The following ZFR2 variants were observed in gnomAD, a reference collection of about 807,000 sequenced individuals.
The protein encoded by ZFR2 is zinc finger RNA binding protein 2, also known as zinc finger RNA-binding protein 2.
ZFR2 carries 104 observed loss-of-function variants against 105.7 expected under a neutral mutation model. That is an observed-to-expected ratio of 0.98 (90% CI 0.84 to 1.16). The LOEUF (loss-of-function observed/expected upper bound fraction) is 1.16, where lower values mean the gene tolerates loss of function less well. Ranked by LOEUF, ZFR2 falls within the 50% of genes most tolerant of loss-of-function variation. The pLI, the probability that ZFR2 is intolerant of heterozygous loss-of-function variation, is 0.00. For missense variants in ZFR2, 1,425 were observed against 1,355.5 expected, an observed-to-expected ratio of 1.05 and a Z score of -0.80; for synonymous variants, 634 against 597.7, an observed-to-expected ratio of 1.06 and a Z score of -0.89.
At chr19:3,820,041 T>G in intron 11 of ZFR2, 141 bp downstream of exon 11, 1 of 774,386 alleles carries the variant, frequency 1.3e-6, no homozygotes, top group Non-Finnish European at 2.1e-6. Flanking sequence ...ATCTGTGGAG[T>G]GAGGAGGCCT....
At chr19:3,810,531 T>C (rs1356247743) in intron 16 of ZFR2, among the ~76,000 whole-genome samples, 1 of 152,158 alleles carries the variant, frequency 6.6e-6, no homozygotes, top group Non-Finnish European at 1.5e-5. Context: ...CATTTGCATG[T>C]GAGGTTCTGG....
intron 14 of ZFR2, 89 bp from the exon 15 acceptor site, chr19:3,811,455 C>A: frequency 8.2e-7 from 1 of 1,219,582 alleles, no homozygotes; most frequent in South Asian, 1.4e-5. Context: ...TTGGGCCCCT[C>A]GACGCTTTTT....
intron 3 of ZFR2, among the ~76,000 whole-genome samples, chr19:3,833,108 G>A (rs972374190): frequency 3.3e-5 from 5 of 151,810 alleles, no homozygotes; most frequent in Middle Eastern, 3.2e-3. Context: ...AATTAGCCAG[G>A]CATGGTGGCG....
At chr19:3,816,876 T>C in intron 12 of ZFR2, 31 bp from the exon 13 acceptor site, 8 of 1,527,796 alleles carry the variant, frequency 5.2e-6, no homozygotes, top group Non-Finnish European at 7.1e-6. Flanking sequence ...ACGTGCGCCA[T>C]CAGCGGAGAG....
chr19:3,860,225 G>C (rs533606042), intron 1 of ZFR2, among the ~76,000 whole-genome samples: 6 of 149,964 alleles, frequency 4.0e-5, no homozygotes, highest in African/African-American at 1.5e-4. Context: ...TTCAGAGATG[G>C]GGGGGGTCTC....
At chr19:3,831,129 GCACA>G (rs571036079) in intron 5 of ZFR2, among the ~76,000 whole-genome samples, 170 bp downstream of exon 5, 217 of 151,380 alleles carry the variant, frequency 1.4e-3, no homozygotes, top group African/African-American at 4.9e-3. Context: ...ACTCACACTT[GCACA>G]CACACACAAG....
chr19:3,833,698 A>T lies in ZFR2; in HGVS notation c.345T>A (p.Ser115=). ...CGGAGTCTGCGGCTGTCATGCGCCC[A>T]GACTGGAGGGCAGCAGACTGGAAGT... ...RPYFQSAALQ[S]GRMTAADSGQ... Residue 115 remains serine (S), a synonymous_variant, in exon 3 of 19, where the codon TCT becomes TCA. Coordinates refer to ENST00000262961, the MANE Select transcript of ZFR2 (RefSeq NM_015174.2). 6.4e-7 allele frequency: 1 copy of T among 1,574,580 alleles called. No individual in the cohort carries two copies. Among genetic ancestry groups the T allele is most frequent in the Non-Finnish European group, 8.6e-7 (1 of 1,160,038 alleles).
At chr19:3,855,544 G>T in intron 1 of ZFR2, 1 of 940,070 alleles carries the variant, frequency 1.1e-6, no homozygotes, top group Non-Finnish European at 1.4e-6. Context: ...CCAAAGTCCC[G>T]TCCTCCAGGA....
chr19:3,848,719 C>T (rs932263253), intron 1 of ZFR2, among the ~76,000 whole-genome samples: 22 of 149,240 alleles, frequency 1.5e-4, no homozygotes, highest in South Asian at 2.1e-4. Context: ...AGGCTGGGCG[C>T]GGTGGCTCAC....
In ZFR2 at chr19:3,833,712, C is replaced by T. The variant is rs2038045269; in HGVS notation, c.331G>A (p.Ala111Thr). The T allele has an allele frequency of 1.3e-6, 2 of 1,579,220 alleles. No individual in the cohort carries two copies. Among genetic ancestry groups the T allele is most frequent in the South Asian group, 2.3e-5 (2 of 86,210 alleles). The change falls in exon 3 of 19, where the codon GCT becomes ACT. Residue 111 changes from alanine to threonine, a missense_variant. Coordinates refer to ENST00000262961, the MANE Select transcript of ZFR2 (RefSeq NM_015174.2). ...SYEDRPYFQSAALQSGRMTAA... is the reference protein window; with the variant it reads ...SYEDRPYFQSTALQSGRMTAA... ...GTCATGCGCCCAGACTGGAGGGCAG[C>T]AGACTGGAAGTACGGCCTGTCCTCA...
In ZFR2 at chr19:3,825,246, C is replaced by T. The variant is rs773499703; in HGVS notation, c.1197G>A (p.Ser399=). Residue 399 remains serine, a synonymous_variant, in exon 7 of 19, where the codon TCG becomes TCA. Transcript: ENST00000262961. ...CACACGTACCCTCGCATAAGGCCTT[C>T]GAGGCCACGGGTCTCTTGGCCAGCG... ...RPALAKRPVA[S]KALCEGPPEP... 36 of 1,547,094 alleles carry T rather than the reference C, an allele frequency of 2.3e-5. No individual in the cohort carries two copies. Among genetic ancestry groups the T allele is most frequent in the Middle Eastern group, 1.7e-4 (1 of 5,722 alleles).
chr19:3,809,523 C>T (rs2037738602), intron 16 of ZFR2, among the ~76,000 whole-genome samples: 1 of 152,340 alleles, frequency 6.6e-6, no homozygotes, highest in South Asian at 2.1e-4. Context: ...CCTCTACAGT[C>T]ACAGCAGGAA....
At chr19:3,806,223 G>A (rs1299320514) in intron 18 of ZFR2, 98 bp from the exon 19 acceptor site, 2 of 1,314,216 alleles carry the variant, frequency 1.5e-6, no homozygotes, top group African/African-American at 1.5e-5. Context: ...CAGCAGATGG[G>A]CCAGGCCTAT....
chr19:3,809,433 A>C (rs1289328898), intron 16 of ZFR2, among the ~76,000 whole-genome samples: 1 of 151,904 alleles, frequency 6.6e-6, no homozygotes, highest in Non-Finnish European at 1.5e-5. Flanking sequence ...ACCCTATCCC[A>C]CCACGTCCCC....
Position 3,806,093 on chromosome 19 carries a change from G to T in ZFR2, c.2676C>A (p.Thr892=). 6.7e-7 allele frequency: 1 copy of T among 1,493,026 alleles called. No homozygotes were observed. The allele number at this position is 1,493,026 out of a possible 1,614,324, so 92.5% of individuals were successfully genotyped here. ...HALRMLAFRQ[T]HKVLGMDLLP... The stretch of plus-strand genomic sequence containing the variant: ...GGAGATCCATGCCCAGGACCTTGTG[G>T]GTCTGCCGGAAGGCCAGCATTCGCA... The change falls in exon 19 of 19, where the codon ACC becomes ACA. Residue 892 remains threonine (T), a synonymous_variant. Coordinates refer to ENST00000262961, the MANE Select transcript of ZFR2 (RefSeq NM_015174.2).
At chr19:3,818,904 C>A (rs2037854183) in intron 12 of ZFR2, 141 bp downstream of exon 12, 1 of 1,061,846 alleles carries the variant, frequency 9.4e-7, no homozygotes, top group East Asian at 2.6e-5. Context: ...GAACTTCCTA[C>A]TCCTGGGGCT....
chr19:3,860,019 G>A (rs1055816159), intron 1 of ZFR2, among the ~76,000 whole-genome samples: 1 of 151,934 alleles, frequency 6.6e-6, no homozygotes, highest in African/African-American at 2.4e-5. Context: ...CAATCCTCGG[G>A]AAGATACCAA....
At position 3,834,938 on chromosome 19, in the gene ZFR2, A is replaced by G. The variant is rs1273357354; in HGVS notation, c.99T>C (p.Tyr33=). 1.2e-6 allele frequency: 2 copies of G among 1,611,776 alleles called. No homozygotes were observed. The highest frequency in any genetic ancestry group is 1.1e-5 in the South Asian group (1 of 90,692). The part of the protein sequence containing the change: ...TLPLPTVGAS[Y]TAQPTPGMDP... ...CCATCCCAGGAGTGGGTTGTGCAGTATAGCTGGCCCCCACAGTGGGCAGGG... is the reference window on the plus strand; with the variant it reads ...CCATCCCAGGAGTGGGTTGTGCAGTGTAGCTGGCCCCCACAGTGGGCAGGG... Residue 33 remains tyrosine, a synonymous_variant, in exon 2 of 19, where the codon TAT becomes TAC. Transcript: ENST00000262961. This position sits in a 1 kb window ranked among gnomAD's most constrained non-coding sequence, Gnocchi z 5.3.
intron 12 of ZFR2, among the ~76,000 whole-genome samples, chr19:3,818,833 G>A (rs1038895672): frequency 1.5e-4 from 23 of 152,234 alleles, no homozygotes; most frequent in Non-Finnish European, 1.3e-4. Flanking sequence ...AGAACAGCAC[G>A]GATCACCCGC....
Sources: allele counts gnomAD v4.1 joint callset (sites outside exome capture counted in the v4.1 genomes callset), GRCh38; gene constraint gnomAD v4.1.1; non-coding constraint Gnocchi (gnomAD v3.1); transcripts MANE v1.5; gene names NCBI Gene and HGNC (gene_info 2026-07-23, HGNC 2026-07-21).